Variants in NEO1 observed in about 807,000 individuals in gnomAD.
NEO1 encodes neogenin 1.
In NEO1, 63 loss-of-function variants were observed where a neutral mutation model predicts 159.7. That is an observed-to-expected ratio of 0.39 (90% CI 0.32 to 0.49). NEO1 has a LOEUF of 0.49. NEO1 is among the 20% of genes least tolerant of loss of function. The pLI is 0.85. For synonymous variants in NEO1, 633 were observed against 662.0 expected, an observed-to-expected ratio of 0.96 and a Z score of 0.67; for missense variants, 1,615 against 1,831.0, an observed-to-expected ratio of 0.88 and a Z score of 2.15.
intron 7 of NEO1, among the ~76,000 whole-genome samples, chr15:73,199,500 A>G (rs2036738932): frequency 6.6e-6 from 1 of 152,144 alleles, no homozygotes; most frequent in Non-Finnish European, 1.5e-5. Flanking sequence ...TGTATTCTAC[A>G]CAGAATTGTC....
chr15:73,070,206 C>T (rs34171323), intron 1 of NEO1, among the ~76,000 whole-genome samples: 3,044 of 152,246 alleles, frequency 0.02, 50 homozygotes, highest in South Asian at 0.044. Flanking sequence ...CCCTATATGT[C>T]GTTCATCCTT....
At chr15:73,116,986 T>C in intron 2 of NEO1, 129 bp downstream of exon 2, 1 of 730,084 alleles carries the variant, frequency 1.4e-6, no homozygotes, top group Non-Finnish European at 2.2e-6. Context: ...CAGATATCAA[T>C]TGTGCATATA....
In NEO1 at chr15:73,168,450, T is replaced by G. The variant is rs181480427; in HGVS notation, c.1016-7953T>G. 6.8e-3 allele frequency among the ~76,000 whole-genome samples: 1,033 copies of G among 150,964 alleles called. 20 individuals carry two copies. Among genetic ancestry groups the G allele is most frequent in the Non-Finnish European group, 8.4e-3 (567 of 67,738 alleles). On this transcript the variant is annotated intron_variant, in intron 5 of 28. Transcript: ENST00000261908. Reference sequence around the variant, plus strand: ...CTGACCTCCAGTGATCCACCTGACTTGGCCTCCCAAAGTGCTAGGATTACA... The same window carrying G: ...CTGACCTCCAGTGATCCACCTGACTGGGCCTCCCAAAGTGCTAGGATTACA...
intron 21 of NEO1, among the ~76,000 whole-genome samples, chr15:73,275,328 A>G (rs1318116659): frequency 6.6e-6 from 1 of 152,132 alleles, no homozygotes; most frequent in Non-Finnish European, 1.5e-5. Context: ...ATATCTGATC[A>G]TATTAAAAGA....
At chr15:73,184,366 T>C (rs2035798188) in intron 7 of NEO1, among the ~76,000 whole-genome samples, 1 of 152,042 alleles carries the variant, frequency 6.6e-6, no homozygotes, top group Non-Finnish European at 1.5e-5. Flanking sequence ...TATACCTTTA[T>C]TTTTAAAATT....
At chr15:73,126,794 G>A (rs2151686589) in intron 4 of NEO1, among the ~76,000 whole-genome samples, 1 of 152,258 alleles carries the variant, frequency 6.6e-6, no homozygotes, top group African/African-American at 2.4e-5. Context: ...CTTTGTTCCT[G>A]TTGAAGCCGC....
chr15:73,185,931 A>T (rs1043334075), intron 7 of NEO1, among the ~76,000 whole-genome samples: 1 of 152,080 alleles, frequency 6.6e-6, no homozygotes, highest in Non-Finnish European at 1.5e-5. Flanking sequence ...CAAGAATTTT[A>T]AAAAATGAAT....
chr15:73,179,100 GA>G (rs1272713720), intron 7 of NEO1, among the ~76,000 whole-genome samples: 1 of 152,048 alleles, frequency 6.6e-6, no homozygotes. Context: ...AAAGTATAAA[GA>G]AAAAAATCCA....
At chr15:73,071,903 A>G (rs1025310793) in intron 1 of NEO1, among the ~76,000 whole-genome samples, 1 of 151,924 alleles carries the variant, frequency 6.6e-6, no homozygotes, top group African/African-American at 2.4e-5. Context: ...TTCCATAGAA[A>G]TGATCATACT....
At position 73,236,440 on chromosome 15, in the gene NEO1, C is replaced by T; in HGVS notation, c.1385C>T (p.Pro462Leu). ...TTCATCAAATTGACGTGGCGGACAC[C>T]TGCATCAGATCCTCACGGAGACAAC... ...TRFIKLTWRT[P>L]ASDPHGDNLT... The change falls in exon 8 of 29, where the codon CCT (proline) becomes CTT (leucine). Residue 462 changes from proline to leucine, a missense_variant. Around this residue, in one of 3 missense-constraint regions of NEO1, gnomAD observed 1,018 missense variants for 1,115.4 expected, o/e 0.91. Transcript: ENST00000261908. 1 of 1,614,166 alleles carries T rather than the reference C, an allele frequency of 6.2e-7. No homozygotes were observed. The highest frequency in any genetic ancestry group is 1.7e-5 in the Admixed American group (1 of 60,024).
chr15:73,076,275 A>C (rs1235071233), intron 1 of NEO1, among the ~76,000 whole-genome samples: 1 of 152,182 alleles, frequency 6.6e-6, no homozygotes, highest in African/African-American at 2.4e-5. Context: ...ATTTTTAGAT[A>C]CGCAGAGACT....
intron 18 of NEO1, 102 bp from the exon 19 acceptor site, chr15:73,272,353 T>C (rs2041211417): frequency 1.4e-6 from 1 of 718,746 alleles, no homozygotes; most frequent in Non-Finnish European, 2.3e-6. Flanking sequence ...TTATCTTTTT[T>C]GCCTTGTGCC....
intron 8 of NEO1, 94 bp from the exon 9 acceptor site, chr15:73,244,250 A>C: frequency 7.2e-7 from 1 of 1,390,464 alleles, no homozygotes; most frequent in Non-Finnish European, 9.7e-7. Context: ...TTTGACTTAC[A>C]CTGATAGATT....
chr15:73,155,910 C>A (rs570890506), intron 5 of NEO1, among the ~76,000 whole-genome samples: 1 of 152,300 alleles, frequency 6.6e-6, no homozygotes, highest in African/African-American at 2.4e-5. Context: ...CATTGAGCTT[C>A]TTTAAAATCA....
At chr15:73,059,829 T>C (rs2067892058) in intron 1 of NEO1, among the ~76,000 whole-genome samples, 1 of 152,220 alleles carries the variant, frequency 6.6e-6, no homozygotes, top group Non-Finnish European at 1.5e-5. Context: ...AGTGTTTGAA[T>C]GTATGAGAAT....
At chr15:73,089,322 C>T (rs1447249429) in intron 1 of NEO1, among the ~76,000 whole-genome samples, 1 of 151,962 alleles carries the variant, frequency 6.6e-6, no homozygotes, top group Non-Finnish European at 1.5e-5. Context: ...TTTGTATGTA[C>T]CTGATAAAGT....
intron 25 of NEO1, among the ~76,000 whole-genome samples, chr15:73,290,469 A>G (rs909751155): frequency 3.3e-5 from 5 of 151,846 alleles, no homozygotes; most frequent in Non-Finnish European, 7.4e-5. Context: ...CTGACCTCAG[A>G]TGATCCACCC....
chr15:73,251,800 CAA>C (rs1238072528), intron 11 of NEO1, among the ~76,000 whole-genome samples: 1 of 152,102 alleles, frequency 6.6e-6, no homozygotes, highest in Non-Finnish European at 1.5e-5. Flanking sequence ...CCAGGTGAAA[CAA>C]ATATCTTGGA....
rs545474012 is a variant in NEO1, at chr15:73,177,549, AT to A, written c.1171-750del. 1.2e-4 allele frequency among the ~76,000 whole-genome samples: 19 copies of A among 152,092 alleles called. No individual in the cohort carries two copies. In the South Asian group the frequency reaches 3.9e-3, roughly 32 times the overall value. ...ATTATACCAATAACAGTAGTTAAAA[AT>A]TTTTTTTGTTTTTTAAGACAGGGTC... On this transcript the variant is annotated intron_variant, in intron 6 of 28. Transcript: ENST00000261908.
Sources: gnomAD v4.1 joint callset for allele counts (sites outside exome capture counted in the v4.1 genomes callset) on GRCh38, gnomAD v4.1.1 for gene constraint, gnomAD v4.1.1 regional missense constraint, MANE v1.5 for transcripts, NCBI Gene and HGNC (gene_info 2026-07-23, HGNC 2026-07-21) for gene names.